GPLD1: variants seen among roughly 807,000 people sequenced by gnomAD.
The protein encoded by GPLD1 is phosphatidylinositol-glycan-specific phospholipase D.
GPLD1 carries 84 observed loss-of-function variants against 112.6 expected under a neutral mutation model. The observed-to-expected ratio is 0.75, with a 90% confidence interval of 0.63 to 0.89. GPLD1 has a LOEUF of 0.89. Ranked by LOEUF, GPLD1 falls within the 40% of genes least tolerant of loss-of-function variation. The pLI is 0.00. For missense variants in GPLD1, 1,044 were observed against 1,051.5 expected (o/e 0.99, Z 0.10); for synonymous variants, 386 against 403.8 (o/e 0.96, Z 0.53).
chr6:24,488,223 T>C (rs1199946161), intron 1 of GPLD1, among the ~76,000 whole-genome samples: 3 of 151,904 alleles, frequency 2.0e-5, no homozygotes, highest in African/African-American at 7.3e-5. Context: ...CTGGCTAACA[T>C]GGTGAAACCC....
chr6:24,446,859 G>C lies in GPLD1; in HGVS notation c.1799C>G (p.Pro600Arg), dbSNP rs778066407. The change falls in exon 18 of 25, where the codon CCG becomes CGG. Residue 600 changes from proline to arginine, a missense_variant. Transcript: ENST00000230036. ...DNRTLLLVGSPTWKNASRLGH... is the reference protein window; with the variant it reads ...DNRTLLLVGSRTWKNASRLGH... ...TCACCTGCTGGCATTCTTCCAGGTC[G>C]GGCTCCCAACCAACAGCAAGGTTCT... is the stretch of plus-strand genomic sequence containing the variant. The C allele has an allele frequency of 8.7e-6, 14 of 1,613,512 alleles. No homozygotes were observed. Among genetic ancestry groups the C allele is most frequent in the Non-Finnish European group, 1.2e-5 (14 of 1,179,734 alleles).
At chr6:24,453,946 G>C (rs1763179357) in intron 14 of GPLD1, 69 bp downstream of exon 14, 1 of 964,738 alleles carries the variant, frequency 1.0e-6, no homozygotes. Context: ...ACTCATCCTG[G>C]AGAATCTGCC....
intron 3 of GPLD1, among the ~76,000 whole-genome samples, chr6:24,479,594 C>G (rs1231780479): frequency 6.6e-6 from 1 of 152,118 alleles, no homozygotes; most frequent in Non-Finnish European, 1.5e-5. Flanking sequence ...CTTTTGATCT[C>G]TTGCAAAATG....
chr6:24,495,111 C>T, exon 1 of GPLD1: 1 of 1,310,890 alleles, frequency 7.6e-7, no homozygotes. Flanking sequence ...CGGGCCTGCG[C>T]CCGGCCCGGC....
intron 14 of GPLD1, among the ~76,000 whole-genome samples, chr6:24,451,323 ATTCT>A (rs1763076196): frequency 1.4e-5 from 2 of 138,664 alleles, no homozygotes; most frequent in Non-Finnish European, 3.4e-5. Context: ...GGGTTTTCCA[ATTCT>A]TTCTCTTTTT....
In GPLD1 at chr6:24,475,108, G is replaced by C. The variant is rs1417477521; in HGVS notation, c.441+13C>G. 1 of 1,303,152 alleles carries C rather than the reference G, an allele frequency of 7.7e-7. No individual in the cohort carries two copies. Among genetic ancestry groups the C allele is most frequent in the Non-Finnish European group, 1.1e-6 (1 of 895,966 alleles). 80.7% of individuals were successfully genotyped at this position (1,303,152 alleles called of 1,614,324 possible). A position where few individuals can be genotyped will look rare whatever the true frequency, so the allele number is the denominator to read the frequency against. On this transcript the variant is annotated intron_variant, in intron 5 of 24. Coordinates refer to ENST00000230036, the MANE Select transcript of GPLD1 (RefSeq NM_001503.4). ...CTCCCATAAAGTCATTCCCCATAAA[G>C]GGATGTACTCACAGCTCCCATGGTC... is the stretch of plus-strand genomic sequence containing the variant.
At chr6:24,451,907 A>T (rs1763103396) in intron 14 of GPLD1, among the ~76,000 whole-genome samples, 1 of 152,180 alleles carries the variant, frequency 6.6e-6, no homozygotes, top group Non-Finnish European at 1.5e-5. Flanking sequence ...GGTTCATTTT[A>T]TCACTATCAG....
Position 24,462,774 on chromosome 6 carries a change from G to A in GPLD1, c.843C>T (p.Asn281=), listed in dbSNP as rs775152551. ...NGTSDCNLPE[N]PLFIACGGQQ... ...GGCCGCCACATGCAATGAACAGAGG[G>A]TTCTCAGGCAGGTTGCAGTCACTGA... The change falls in exon 11 of 25, where the codon AAC becomes AAT. Residue 281 remains asparagine, a synonymous_variant. Transcript: ENST00000230036. The A allele has an allele frequency of 2.5e-6, 4 of 1,613,216 alleles. No individual in the cohort carries two copies. The highest frequency in any genetic ancestry group is 1.7e-5 in the Admixed American group (1 of 60,020).
chr6:24,485,015 A>G (rs1330660695), intron 2 of GPLD1, among the ~76,000 whole-genome samples: 1 of 152,250 alleles, frequency 6.6e-6, no homozygotes, highest in Non-Finnish European at 1.5e-5. Flanking sequence ...CAAATAGTGC[A>G]TATGATCAGA....
chr6:24,477,656 G>T (rs1429672432), intron 3 of GPLD1, among the ~76,000 whole-genome samples: 1 of 152,294 alleles, frequency 6.6e-6, no homozygotes, highest in Non-Finnish European at 1.5e-5. Context: ...CTTGAGGCCA[G>T]GAGTTTGAGG....
At chr6:24,480,593 A>T (rs1764169873) in intron 2 of GPLD1, among the ~76,000 whole-genome samples, 1 of 152,250 alleles carries the variant, frequency 6.6e-6, no homozygotes, top group South Asian at 2.1e-4. Flanking sequence ...ACATATGTGC[A>T]TATCAGTTTA....
In GPLD1 at chr6:24,454,054, G is replaced by C; in HGVS notation, c.1296C>G (p.Asp432Glu). ...NDLGLPPVDL[D>E]LDKEAHRILE... ...GGATCCTGTGGGCCTCCTTGTCCAG[G>C]TCCAGGTCAACAGGTGGCAGGCCCA... Residue 432 changes from aspartate (D) to glutamate (E), a missense_variant, in exon 14 of 25, where the codon GAC becomes GAG. Physicochemically the swap from Asp to Glu is conservative, Grantham distance 45. Transcript: ENST00000230036. 1.2e-6 allele frequency: 2 copies of C among 1,613,550 alleles called. No homozygotes were observed. The highest frequency in any genetic ancestry group is 8.5e-7 in the Non-Finnish European group (1 of 1,179,622).
At chr6:24,445,914 C>T (rs1351749196) in intron 18 of GPLD1, 83 bp from the exon 19 acceptor site, 2 of 932,818 alleles carry the variant, frequency 2.1e-6, no homozygotes, top group Non-Finnish European at 1.7e-6. Flanking sequence ...AAAGGAAATG[C>T]ACCTCCCCCC....
At chr6:24,433,108 T>C (rs1370457091) in intron 24 of GPLD1, 79 bp downstream of exon 24, 17 of 927,934 alleles carry the variant, frequency 1.8e-5, no homozygotes, top group Non-Finnish European at 3.1e-5. Flanking sequence ...AAATCTGAAA[T>C]AAACCTAACA....
At position 24,428,696 on chromosome 6, in the gene GPLD1, A is replaced by C; in HGVS notation, c.*336T>G. ...GCCATTGGAAAGACATTCAAGAGGA[A>C]GAGGAAATAGGTTGTACAGCAGGTC... On this transcript the variant is annotated 3_prime_UTR_variant, in exon 25 of 25. Transcript: ENST00000230036. The C allele has an allele frequency of 5.3e-6, 1 of 188,970 alleles. No homozygotes were observed. Among genetic ancestry groups the C allele is most frequent in the Middle Eastern group, 2.0e-3 (1 of 510 alleles). 11.7% of individuals were successfully genotyped at this position (188,970 alleles called of 1,614,324 possible). A position where few individuals can be genotyped will look rare whatever the true frequency, so the allele number is the denominator to read the frequency against.
At chr6:24,435,849 T>TAAAAAAAAAAAAAAAA (rs1554129001) in intron 22 of GPLD1, 13 of 83,934 alleles carry the variant, frequency 1.5e-4, no homozygotes, top group Non-Finnish European at 1.9e-4. Flanking sequence ...AAAAAAAAAG[T>TAAAAAAAAAAAAAAAA]TAAATAATGG....
At chr6:24,466,582 T>C (rs1310965873) in intron 10 of GPLD1, 98 bp downstream of exon 10, 3 of 922,904 alleles carry the variant, frequency 3.3e-6, no homozygotes, top group Non-Finnish European at 5.0e-6. Flanking sequence ...TGTTTTGTTT[T>C]GTTTTTATGT....
intron 17 of GPLD1, among the ~76,000 whole-genome samples, chr6:24,447,511 G>A (rs1762946498): frequency 1.2e-5 from 1 of 82,838 alleles, no homozygotes; most frequent in African/African-American, 4.1e-5. Flanking sequence ...GGGAGACTCT[G>A]TCTCAAAAAA....
intron 11 of GPLD1, among the ~76,000 whole-genome samples, chr6:24,462,166 T>C (rs374078762): frequency 6.6e-6 from 1 of 152,150 alleles, no homozygotes; most frequent in South Asian, 2.1e-4. Context: ...AGGATCTCAC[T>C]CTGTTGCCTA....
Sources: gnomAD v4.1 joint callset for allele counts (sites outside exome capture counted in the v4.1 genomes callset) on GRCh38, gnomAD v4.1.1 for gene constraint, MANE v1.5 for transcripts, NCBI Gene and HGNC (gene_info 2026-07-23, HGNC 2026-07-21) for gene names.